Variants in CENPE observed in about 807,000 individuals in gnomAD.
The protein encoded by CENPE is centromere protein E.
A neutral mutation model predicts 336.1 loss-of-function variants in CENPE; 145 were observed. The observed-to-expected ratio is 0.43, with a 90% confidence interval of 0.38 to 0.50. CENPE has a LOEUF of 0.50. Ranked by LOEUF, CENPE falls within the 20% of genes least tolerant of loss-of-function variation. The probability of loss-of-function intolerance (pLI) is 0.00; values close to 1 mark genes in which losing one functional copy is unlikely to be tolerated. For missense variants in CENPE, 2,719 were observed against 3,023.3 expected, an observed-to-expected ratio of 0.90 and a Z score of 2.36; for synonymous variants, 1,013 against 984.8, an observed-to-expected ratio of 1.03 and a Z score of -0.54.
chr4:103,108,882 A>C lies in CENPE; in HGVS notation c.7932T>G (p.Phe2644Leu). The change falls in exon 48 of 49, where the codon TTT becomes TTG. Residue 2644 changes from phenylalanine (F) to leucine (L), a missense_variant. This residue lies in a region of CENPE where 2,437 missense variants were observed against 2,513.3 expected (regional missense o/e 0.97). Transcript: ENST00000265148. ...PVPKESPKSC[F>L]FDSRSKSLPS... is the part of the protein sequence containing the mutation. ...GTAAAGACTTTGATCGGCTATCAAA[A>C]AAACAAGATTTTGGTGATTCCTTTG... 1 of 1,613,978 alleles carries C rather than the reference A, an allele frequency of 6.2e-7. No individual in the cohort carries two copies. Among genetic ancestry groups the C allele is most frequent in the Non-Finnish European group, 8.5e-7 (1 of 1,179,858 alleles).
At chr4:103,179,088 CCA>C (rs1756119203) in intron 13 of CENPE, among the ~76,000 whole-genome samples, 1 of 152,158 alleles carries the variant, frequency 6.6e-6, no homozygotes, top group Non-Finnish European at 1.5e-5. Flanking sequence ...TACCAGCTAC[CCA>C]TGAAGCCAAG....
At chr4:103,111,218 C>T (rs527616067) in intron 46 of CENPE, among the ~76,000 whole-genome samples, 1 of 152,270 alleles carries the variant, frequency 6.6e-6, no homozygotes, top group South Asian at 2.1e-4. Flanking sequence ...CTAGAATCCC[C>T]CTCAACCAAT....
At chr4:103,142,315 A>C (rs1031803) in intron 34 of CENPE, among the ~76,000 whole-genome samples, 148,783 of 152,318 alleles carry the variant, frequency 0.98, 72,682 homozygotes, top group East Asian at 1. Context: ...AAGGAAAATG[A>C]TAATTGCAGA....
intron 25 of CENPE, 62 bp downstream of exon 25, chr4:103,152,985 A>AT: frequency 8.1e-7 from 1 of 1,229,478 alleles, no homozygotes; most frequent in Non-Finnish European, 1.1e-6. Flanking sequence ...AATAAAGTTG[A>AT]TAAAAATCTG....
intron 42 of CENPE, among the ~76,000 whole-genome samples, chr4:103,124,981 C>CT (rs1432835479): frequency 6.6e-6 from 1 of 152,314 alleles, no homozygotes; most frequent in African/African-American, 2.4e-5. Context: ...ACAACTGGGT[C>CT]TCCAGTATTA....
chr4:103,147,379 G>T lies in CENPE; in HGVS notation c.4111C>A (p.His1371Asn). The change falls in exon 29 of 49, where the codon CAT becomes AAT. Residue 1371 changes from histidine to asparagine, a missense_variant. Around this residue, in one of 5 missense-constraint regions of CENPE, gnomAD observed 2,437 missense variants for 2,513.3 expected, o/e 0.97. Transcript: ENST00000265148. ...LEVKHDQLKEHIRETLAKIQE... is the reference protein window; with the variant it reads ...LEVKHDQLKENIRETLAKIQE... ...ACTTTAGCCAAAGTTTCTCTAATAT[G>T]TTCTTTCAGCTGGTCATGTTTAACT... is the stretch of plus-strand genomic sequence containing the variant. 6.2e-7 allele frequency: 1 copy of T among 1,605,574 alleles called. No individual in the cohort carries two copies. The highest frequency in any genetic ancestry group is 2.2e-5 in the East Asian group (1 of 44,822).
chr4:103,143,049 GA>G, intron 34 of CENPE, among the ~76,000 whole-genome samples, 198 bp downstream of exon 34: 1 of 147,048 alleles, frequency 6.8e-6, no homozygotes, highest in Non-Finnish European at 1.5e-5. Context: ...TCTTTCTCCT[GA>G]AGTTCTTGGA....
chr4:103,196,850 T>C lies in CENPE; in HGVS notation c.57A>G (p.Arg19=). ...GGGCAGTTTCTCCAAGTGATTCTTC[T>C]CTAAAAGAATAAAAACACCGCATTT... ...VCVRVRPLNS[R]EESLGETAQV... is the part of the protein sequence containing the mutation. The change falls in exon 2 of 49, where the codon AGA becomes AGG. Residue 19 remains arginine (R), a splice_region_variant and synonymous_variant. Coordinates refer to ENST00000265148, the MANE Select transcript of CENPE (RefSeq NM_001813.3). 3 of 1,490,856 alleles carry C rather than the reference T, an allele frequency of 2.0e-6. No individual in the cohort carries two copies. The highest frequency in any genetic ancestry group is 2.8e-6 in the Non-Finnish European group (3 of 1,071,634). 92.4% of individuals were successfully genotyped at this position (1,490,856 alleles called of 1,614,324 possible). A position where few individuals can be genotyped will look rare whatever the true frequency, so the allele number is the denominator to read the frequency against.
At chr4:103,146,648 C>T (rs542171743) in intron 29 of CENPE, among the ~76,000 whole-genome samples, 227 of 152,158 alleles carry the variant, frequency 1.5e-3, no homozygotes, top group Non-Finnish European at 2.6e-3. Context: ...GAAATAAGAC[C>T]GGCAAGATCT....
intron 48 of CENPE, among the ~76,000 whole-genome samples, chr4:103,106,967 T>A (rs1270636192): frequency 6.6e-6 from 1 of 152,232 alleles, no homozygotes; most frequent in African/African-American, 2.4e-5. Flanking sequence ...GCTACTCTTT[T>A]ATTTATCTAA....
intron 16 of CENPE, among the ~76,000 whole-genome samples, chr4:103,173,944 T>C (rs1755641910): frequency 6.6e-6 from 1 of 151,746 alleles, no homozygotes; most frequent in Non-Finnish European, 1.5e-5. Context: ...AGTATGACGG[T>C]TCCTCAACAA....
chr4:103,177,196 T>TAA, intron 13 of CENPE, 150 bp from the exon 14 acceptor site: 6 of 552,446 alleles, frequency 1.1e-5, no homozygotes, highest in Admixed American at 3.9e-5. Context: ...GGATATTGCT[T>TAA]AAAAAAAAAA....
intron 15 of CENPE, 29 bp from the exon 16 acceptor site, chr4:103,174,932 T>A: frequency 7.7e-7 from 1 of 1,297,532 alleles, no homozygotes; most frequent in Admixed American, 3.8e-5. Context: ...GATTTTCCAA[T>A]CAGAAAATTC....
intron 24 of CENPE, 41 bp downstream of exon 24, chr4:103,158,259 T>C: frequency 1.4e-6 from 2 of 1,477,616 alleles, no homozygotes; most frequent in African/African-American, 1.4e-5. Context: ...AAAGAGTATA[T>C]ATACAAGCAT....
At position 103,140,412 on chromosome 4, in the gene CENPE, A is replaced by G. The variant is rs749790380; in HGVS notation, c.5757T>C (p.Asp1919=). 1 of 1,579,974 alleles carries G rather than the reference A, an allele frequency of 6.3e-7. No homozygotes were observed. The highest frequency in any genetic ancestry group is 8.6e-7 in the Non-Finnish European group (1 of 1,164,184). ...TTTTTAGTTCCTGTTGTATTTCCAG[A>G]TCCTTTATGGTTAGAAGAAATCAAG... ...KESLQETKAR[D]LEIQQELKTA... The change falls in exon 37 of 49, where the codon GAT becomes GAC. Residue 1919 remains aspartate, a splice_region_variant and synonymous_variant. Coordinates refer to ENST00000265148, the MANE Select transcript of CENPE (RefSeq NM_001813.3).
At chr4:103,194,506 A>G (rs576327390) in intron 6 of CENPE, 65 bp from the exon 7 acceptor site, 39 of 1,461,888 alleles carry the variant, frequency 2.7e-5, no homozygotes, top group Middle Eastern at 3.6e-4. Context: ...AATAATTTTT[A>G]TTTTAACTTA....
chr4:103,118,417 T>C (rs1156921358), intron 44 of CENPE, among the ~76,000 whole-genome samples: 1 of 152,234 alleles, frequency 6.6e-6, no homozygotes, highest in Non-Finnish European at 1.5e-5. Context: ...GAGTTCTTTG[T>C]ATATTTTGTA....
intron 41 of CENPE, 64 bp from the exon 42 acceptor site, chr4:103,132,960 T>TTTTATATATATATATA (rs1553926662): frequency 2.8e-5 from 4 of 144,298 alleles, no homozygotes; most frequent in Admixed American, 1.7e-4. Flanking sequence ...AATATTTTAT[T>TTTTATATATATATATA]TATATATATA....
chr4:103,191,744 T>C (rs1757369860), intron 8 of CENPE, among the ~76,000 whole-genome samples: 2 of 151,812 alleles, frequency 1.3e-5, no homozygotes, highest in African/African-American at 2.4e-5. Context: ...TGTATACATA[T>C]GTAACAAACG....
Sources: allele counts gnomAD v4.1 joint callset (sites outside exome capture counted in the v4.1 genomes callset), GRCh38; gene constraint gnomAD v4.1.1; regional missense constraint gnomAD v4.1.1; transcripts MANE v1.5; gene names NCBI Gene and HGNC (gene_info 2026-07-23, HGNC 2026-07-21).